Variants in ZNF829 observed in about 807,000 individuals in gnomAD.
The protein encoded by ZNF829 is zinc finger protein 829.
ZNF829 carries 25 observed loss-of-function variants against 35.2 expected under a neutral mutation model. The ratio of observed to expected loss-of-function variants is 0.71; its 90% confidence interval spans 0.52 to 0.99. The LOEUF is 0.99. Among genes scored for constraint, ZNF829 ranks in the 50% least tolerant of loss-of-function variants. ZNF829 has a pLI of 0.00. For missense variants in ZNF829, 417 were observed against 515.3 expected (o/e 0.81, Z 1.85); for synonymous variants, 136 against 163.2 (o/e 0.83, Z 1.27).
Position 36,915,029 on chromosome 19 carries a change from A to G in ZNF829, c.39-7T>C, listed in dbSNP as rs754386579. 1 of 1,614,162 alleles carries G rather than the reference A, an allele frequency of 6.2e-7. No homozygotes were observed. The highest frequency in any genetic ancestry group is 1.7e-5 in the Admixed American group (1 of 60,016). Reference sequence around the variant, plus strand: ...CTCCTCTTCTGGGTGACACCTGGAGAAAGGTAAAATTGGGAGAGGGAAGAG... The same window carrying G: ...CTCCTCTTCTGGGTGACACCTGGAGGAAGGTAAAATTGGGAGAGGGAAGAG... On this transcript the variant is annotated splice_polypyrimidine_tract_variant and splice_region_variant and intron_variant, in intron 2 of 5. Transcript: ENST00000391711.
intron 5 of ZNF829, among the ~76,000 whole-genome samples, chr19:36,902,971 G>C (rs895451604): frequency 6.6e-6 from 1 of 152,044 alleles, no homozygotes; most frequent in Non-Finnish European, 1.5e-5. Context: ...GGGAGGCGGA[G>C]GTTGTAGTGA....
At chr19:36,906,548 T>C (rs562007696) in intron 5 of ZNF829, 1 of 152,290 alleles carries the variant, frequency 6.6e-6, no homozygotes, top group South Asian at 2.1e-4. Context: ...GAACTGCAAA[T>C]TGGTATAACT....
chr19:36,902,419 T>C (rs375894631), intron 5 of ZNF829, among the ~76,000 whole-genome samples: 2 of 147,428 alleles, frequency 1.4e-5, no homozygotes, highest in South Asian at 4.3e-4. Flanking sequence ...CGGATTACTT[T>C]AGCTTAGGAG....
At position 36,915,902 on chromosome 19, in the gene ZNF829, G is replaced by A. The variant is rs2073322341; in HGVS notation, c.-85+109C>T. ...GCCGCTCCGCCCGCAGGGGCCCAAG[G>A]CGCCAGCTCCCCATCGGTCTTCGGT... On this transcript the variant is annotated intron_variant, in intron 1 of 5. Coordinates refer to ENST00000391711, the MANE Select transcript of ZNF829 (RefSeq NM_001037232.4). 3.9e-6 allele frequency: 6 copies of A among 1,535,908 alleles called. No homozygotes were observed. In the East Asian group the frequency reaches 1.5e-4, roughly 38 times the overall value.
Position 36,889,208 on chromosome 19 carries a change from C to A in ZNF829, c.*2284G>T, listed in dbSNP as rs1438524484. 6.6e-6 allele frequency: 1 copy of A among 152,040 alleles called. No individual in the cohort carries two copies. The highest frequency in any genetic ancestry group is 2.4e-5 in the African/African-American group (1 of 41,384). 9.4% of individuals were successfully genotyped at this position (152,040 alleles called of 1,614,324 possible). ...TTTGATTTGGTTTGCTAGTATTTTGCTGAAGATTTTTGTGTCTATTTTCAT... is the reference window on the plus strand; with the variant it reads ...TTTGATTTGGTTTGCTAGTATTTTGATGAAGATTTTTGTGTCTATTTTCAT... On this transcript the variant is annotated 3_prime_UTR_variant, in exon 6 of 6. Transcript: ENST00000391711.
chr19:36,892,587 A>G (rs2073068693), intron 5 of ZNF829, 116 bp from the exon 6 acceptor site: 1 of 1,139,644 alleles, frequency 8.8e-7, no homozygotes, highest in African/African-American at 1.5e-5. Flanking sequence ...ACAGTTTTCA[A>G]AGGTGGAGAG....
In ZNF829 at chr19:36,892,210, C is replaced by G; in HGVS notation, c.581G>C (p.Ser194Thr). ...YESKEYGKSF[S>T]RGSLVTRHQR... ...ATGTCGAGTAACGAGTGAGCCACGA[C>G]TAAAGGACTTCCCATACTCCTTAGA... Residue 194 changes from serine to threonine, a missense_variant, in exon 6 of 6, where the codon AGT becomes ACT. Physicochemically the swap from Ser to Thr is moderately conservative, Grantham distance 58. Transcript: ENST00000391711. The G allele has an allele frequency of 6.2e-7, 1 of 1,614,144 alleles. No individual in the cohort carries two copies.
At chr19:36,902,761 T>C (rs563976314) in intron 5 of ZNF829, among the ~76,000 whole-genome samples, 4 of 152,152 alleles carry the variant, frequency 2.6e-5, no homozygotes, top group African/African-American at 7.2e-5. Flanking sequence ...TTGGGCCGGG[T>C]GCAGTGGCTC....
chr19:36,894,670 G>A (rs2073095051), intron 5 of ZNF829, among the ~76,000 whole-genome samples: 1 of 151,918 alleles, frequency 6.6e-6, no homozygotes, highest in African/African-American at 2.4e-5. Context: ...ACACAATTGA[G>A]AGCTTCAACA....
At chr19:36,901,760 G>T in intron 5 of ZNF829, 1 of 544,494 alleles carries the variant, frequency 1.8e-6, no homozygotes. Flanking sequence ...CACAAAGAAG[G>T]GTGGTGAGAA....
intron 5 of ZNF829, among the ~76,000 whole-genome samples, chr19:36,896,516 T>C (rs2073115165): frequency 6.6e-6 from 1 of 151,866 alleles, no homozygotes; most frequent in Non-Finnish European, 1.5e-5. Context: ...TAGACTCCCA[T>C]AAAATAATAG....
At chr19:36,911,798 T>C (rs1264299111) in intron 3 of ZNF829, among the ~76,000 whole-genome samples, 1 of 152,152 alleles carries the variant, frequency 6.6e-6, no homozygotes, top group Non-Finnish European at 1.5e-5. Context: ...GGACTAGATG[T>C]GGACCCAATA....
intron 5 of ZNF829, chr19:36,907,657 T>C (rs1600740681): frequency 4.0e-6 from 1 of 248,512 alleles, no homozygotes; most frequent in East Asian, 9.9e-5. Context: ...CTTACATCTA[T>C]TTCTCAGGGT....
chr19:36,901,968 G>A (rs966734415), intron 5 of ZNF829: 3 of 749,444 alleles, frequency 4.0e-6, no homozygotes, highest in East Asian at 2.5e-5. Flanking sequence ...TGGGCCAAAG[G>A]AATAAGGAAT....
At chr19:36,913,462 A>G (rs2073280774) in intron 3 of ZNF829, among the ~76,000 whole-genome samples, 1 of 152,166 alleles carries the variant, frequency 6.6e-6, no homozygotes, top group Non-Finnish European at 1.5e-5. Context: ...CTGAATAAAG[A>G]TATTTTTATT....
chr19:36,890,393 C>G lies in ZNF829; in HGVS notation c.*1099G>C, dbSNP rs1328732296. The G allele has an allele frequency of 6.6e-6, 1 of 152,076 alleles. No individual in the cohort carries two copies. The highest frequency in any genetic ancestry group is 1.5e-5 in the Non-Finnish European group (1 of 68,070). 9.4% of individuals were successfully genotyped at this position (152,076 alleles called of 1,614,324 possible). A position where few individuals can be genotyped will look rare whatever the true frequency, so the allele number is the denominator to read the frequency against. On this transcript the variant is annotated 3_prime_UTR_variant, in exon 6 of 6. Transcript: ENST00000391711. The stretch of plus-strand genomic sequence containing the variant: ...TCCCCTGCTATTGTTGTATTGCTGT[C>G]TATCTCTTTTCTTAGGTCTAGTAGT...
rs764914093 is a variant in ZNF829, at chr19:36,891,935, GT to G, written c.855del (p.His286IlefsTer2). On this transcript the variant is annotated frameshift_variant, in exon 6 of 6. Transcript: ENST00000391711. LOFTEE classifies it high-confidence loss of function. ...TTCTCACCAGTATGAATTCTCAGATGTAGAAAAAGTTGTGAACTTTTAGTAA... is the reference window on the plus strand; with the variant it reads ...TTCTCACCAGTATGAATTCTCAGATGAGAAAAAGTTGTGAACTTTTAGTAA... The part of the protein sequence containing the change: ...KAFTKSSQLF[L>X]HLRIHTGEKP... 21 of 1,613,882 alleles carry G rather than the reference GT, an allele frequency of 1.3e-5. No homozygotes were observed. In the African/African-American group the frequency reaches 2.3e-4, roughly 17 times the overall value.
intron 5 of ZNF829, among the ~76,000 whole-genome samples, chr19:36,903,509 A>G (rs1392801892): frequency 2.6e-5 from 4 of 152,076 alleles, no homozygotes; most frequent in Admixed American, 6.6e-5. Flanking sequence ...TCAATTACCT[A>G]CCTCCCACAT....
intron 5 of ZNF829, among the ~76,000 whole-genome samples, chr19:36,894,182 A>G (rs755569812): frequency 6.6e-6 from 1 of 152,160 alleles, no homozygotes; most frequent in African/African-American, 2.4e-5. Flanking sequence ...ACTCACAGAC[A>G]CTGCTGACAC....
Sources: gnomAD v4.1 joint callset for allele counts (sites outside exome capture counted in the v4.1 genomes callset) on GRCh38, gnomAD v4.1.1 for gene constraint, MANE v1.5 for transcripts, NCBI Gene and HGNC (gene_info 2026-07-23, HGNC 2026-07-21) for gene names.